FRMD4A: variants seen among roughly 807,000 people sequenced by gnomAD.
FRMD4A encodes the protein FERM domain-containing protein 4A.
FRMD4A carries 29 observed loss-of-function variants against 129.1 expected under a neutral mutation model. The observed-to-expected ratio is 0.22, with a 90% CI of 0.17 to 0.31. FRMD4A has a LOEUF of 0.31. Among genes scored for constraint, FRMD4A ranks in the 10% least tolerant of loss-of-function variants. The pLI, the probability that FRMD4A is intolerant of heterozygous loss-of-function variation, is 1.00. For synonymous variants in FRMD4A, 634 were observed against 571.6 expected, an observed-to-expected ratio of 1.11 and a Z score of -1.56; for missense variants, 1,272 against 1,375.8, an observed-to-expected ratio of 0.92 and a Z score of 1.19.
intron 2 of FRMD4A, among the ~76,000 whole-genome samples, chr10:13,970,567 G>T (rs1413904098): frequency 1.3e-5 from 2 of 152,200 alleles, no homozygotes; most frequent in Non-Finnish European, 2.9e-5. Context: ...AGCTTACAGA[G>T]GGAGGGCCAA....
intron 23 of FRMD4A, chr10:13,652,239 AG>A (rs2081686304): frequency 5.9e-6 from 3 of 512,326 alleles, no homozygotes; most frequent in Non-Finnish European, 1.0e-5. Context: ...GTTTATGCCA[AG>A]AACCAAAATT....
chr10:14,139,676 C>T (rs1265536879), intron 2 of FRMD4A, among the ~76,000 whole-genome samples: 1 of 152,088 alleles, frequency 6.6e-6, no homozygotes, highest in East Asian at 1.9e-4. Flanking sequence ...TCTGGAATGC[C>T]TGGGCTCAAG....
intron 3 of FRMD4A, among the ~76,000 whole-genome samples, chr10:13,830,628 A>T (rs962468948): frequency 6.6e-6 from 1 of 152,214 alleles, no homozygotes; most frequent in Non-Finnish European, 1.5e-5. Context: ...TAACCCCAGC[A>T]TTGCCATTGA....
At chr10:13,975,621 G>C (rs568045071) in intron 2 of FRMD4A, among the ~76,000 whole-genome samples, 1 of 151,898 alleles carries the variant, frequency 6.6e-6, no homozygotes, top group South Asian at 2.1e-4. Flanking sequence ...GTCTATGTGT[G>C]TGTCTATCCA....
In FRMD4A at chr10:13,862,560, T is replaced by C. The variant is rs1345589266; in HGVS notation, c.46-3648A>G. On this transcript the variant is annotated intron_variant, in intron 2 of 24. Coordinates refer to ENST00000357447, the MANE Select transcript of FRMD4A (RefSeq NM_018027.5). ...CCAATTTCTTTCCTCTTCTCAACAG[T>C]AATTCCTAGGAAATTTACAAACATG... is the stretch of plus-strand genomic sequence containing the variant. Among the ~76,000 whole-genome samples the C allele has an allele frequency of 2.6e-5, 4 of 152,368 alleles. No homozygotes were observed. In the East Asian group the frequency reaches 7.7e-4, roughly 29 times the overall value.
intron 2 of FRMD4A, among the ~76,000 whole-genome samples, chr10:14,110,649 A>AAACAT (rs1300786467): frequency 6.6e-6 from 1 of 152,102 alleles, no homozygotes; most frequent in African/African-American, 2.4e-5. Flanking sequence ...AAACAAAACA[A>AAACAT]AACAAAACAA....
At chr10:13,903,722 A>T (rs1451882739) in intron 2 of FRMD4A, among the ~76,000 whole-genome samples, 11 of 151,002 alleles carry the variant, frequency 7.3e-5, no homozygotes, top group Non-Finnish European at 1.6e-4. Flanking sequence ...AATAAAAATA[A>T]AAAAAAAATA....
chr10:13,908,352 A>G (rs562930705), intron 2 of FRMD4A, among the ~76,000 whole-genome samples: 50 of 152,240 alleles, frequency 3.3e-4, no homozygotes, highest in African/African-American at 1.2e-3. Flanking sequence ...AGTCTCCTAC[A>G]GTAGGTCTCT....
chr10:14,194,826 TCA>T (rs1482788454), intron 2 of FRMD4A, among the ~76,000 whole-genome samples: 5 of 151,864 alleles, frequency 3.3e-5, no homozygotes, highest in Non-Finnish European at 7.4e-5. Flanking sequence ...TCATATTATA[TCA>T]CATTCATTTA....
At position 13,652,289 on chromosome 10, in the gene FRMD4A, A is replaced by G. The variant is rs184165874; in HGVS notation, c.3051-315T>C. Reference sequence around the variant, plus strand: ...TTTGGCTTGAGTCCTCACTAGTTGTAGGTGGTGAAATAGGCAGGTTTCAAG... The same window carrying G: ...TTTGGCTTGAGTCCTCACTAGTTGTGGGTGGTGAAATAGGCAGGTTTCAAG... On this transcript the variant is annotated intron_variant, in intron 23 of 24. Transcript: ENST00000357447. The G allele has an allele frequency of 1.2e-3, 488 of 397,302 alleles. 12 individuals carry two copies. The highest frequency in any genetic ancestry group is 0.012 in the South Asian group (434 of 36,300). The allele number at this position is 397,302 out of a possible 1,614,324, so 24.6% of individuals were successfully genotyped here. A position where few individuals can be genotyped will look rare whatever the true frequency, so the allele number is the denominator to read the frequency against.
At chr10:13,771,543 T>A (rs1110141) in intron 6 of FRMD4A, among the ~76,000 whole-genome samples, 3,985 of 152,278 alleles carry the variant, frequency 0.026, 186 homozygotes, top group African/African-American at 0.091. Context: ...CCTTGGAAAG[T>A]AACCAATTAA....
chr10:13,654,273 T>C, intron 23 of FRMD4A, 143 bp downstream of exon 23: 2 of 684,500 alleles, frequency 2.9e-6, no homozygotes, highest in South Asian at 1.7e-5. Context: ...CAGCAGATCA[T>C]GGGGCTTCTC....
At chr10:13,653,116 G>C (rs1322598451) in intron 23 of FRMD4A, 1 of 151,876 alleles carries the variant, frequency 6.6e-6, no homozygotes, top group African/African-American at 2.4e-5. Context: ...GTTAGAAGCT[G>C]CTCGCAGCCT....
intron 2 of FRMD4A, among the ~76,000 whole-genome samples, chr10:13,913,761 T>C (rs939463569): frequency 1.3e-5 from 2 of 152,218 alleles, no homozygotes; most frequent in African/African-American, 4.8e-5. Flanking sequence ...CTAGGACTAG[T>C]ACTAAGGATA....
At chr10:13,984,704 G>A (rs2095574769) in intron 2 of FRMD4A, among the ~76,000 whole-genome samples, 1 of 152,208 alleles carries the variant, frequency 6.6e-6, no homozygotes, top group Non-Finnish European at 1.5e-5. Flanking sequence ...GCATGTGTCA[G>A]AATTCGCTTC....
intron 2 of FRMD4A, among the ~76,000 whole-genome samples, chr10:14,131,359 C>T (rs1312382631): frequency 6.6e-6 from 1 of 151,986 alleles, no homozygotes; most frequent in South Asian, 2.1e-4. Context: ...CAAAGCCAAC[C>T]TTCCGGCTGC....
At chr10:14,307,392 CAG>C (rs1188231358) in intron 2 of FRMD4A, among the ~76,000 whole-genome samples, 1 of 152,222 alleles carries the variant, frequency 6.6e-6, no homozygotes, top group Non-Finnish European at 1.5e-5. Context: ...GAGCGCATGA[CAG>C]ATCTTATTTG....
At chr10:14,118,824 A>T (rs1266001791) in intron 2 of FRMD4A, among the ~76,000 whole-genome samples, 1 of 152,120 alleles carries the variant, frequency 6.6e-6, no homozygotes, top group Non-Finnish European at 1.5e-5. Context: ...ACATGTGGGG[A>T]TTATTACAAT....
At chr10:14,090,853 T>C (rs1836620613) in intron 2 of FRMD4A, among the ~76,000 whole-genome samples, 1 of 152,196 alleles carries the variant, frequency 6.6e-6, no homozygotes, top group South Asian at 2.1e-4. Flanking sequence ...TTTGTTTTTA[T>C]TTTTTAAGGG....
Sources: allele counts gnomAD v4.1 joint callset (sites outside exome capture counted in the v4.1 genomes callset), GRCh38; gene constraint gnomAD v4.1.1; transcripts MANE v1.5; gene names NCBI Gene and HGNC (gene_info 2026-07-23, HGNC 2026-07-21).